Variants in RABL6 observed in about 807,000 individuals in gnomAD.
RABL6 encodes the protein rab-like protein 6.
RABL6 carries 28 observed loss-of-function variants against 72.9 expected under a neutral mutation model. The ratio of observed to expected loss-of-function variants is 0.38; its 90% confidence interval spans 0.28 to 0.53. The LOEUF is 0.53. RABL6 is among the 20% of genes least tolerant of loss of function. The probability of loss-of-function intolerance (pLI) is 0.80; values close to 1 mark genes in which losing one functional copy is unlikely to be tolerated. For missense variants in RABL6, 1,029 were observed against 1,008.4 expected (o/e 1.02, Z -0.28); for synonymous variants, 477 against 421.2 (o/e 1.13, Z -1.62).
At position 136,839,365 on chromosome 9, in the gene RABL6, A is replaced by T; in HGVS notation, c.1637A>T (p.Lys546Met). 6.2e-7 allele frequency: 1 copy of T among 1,612,654 alleles called. No individual in the cohort carries two copies. The highest frequency in any genetic ancestry group is 8.5e-7 in the Non-Finnish European group (1 of 1,179,748). Residue 546 changes from lysine to methionine, a missense_variant, in exon 12 of 15, where the codon AAG (lysine) becomes ATG (methionine). Coordinates refer to ENST00000311502, the MANE Select transcript of RABL6 (RefSeq NM_024718.5). ...CCCCCTGCTGAGATGGAGCCGGGGA[A>T]GGGTGAGCAGGCCTCCTCGTCGGAG... ...TRPPAEMEPG[K>M]GEQASSSESD...
Position 136,837,956 on chromosome 9 carries a change from A to G in RABL6, c.1221A>G (p.Thr407=). The G allele has an allele frequency of 6.4e-7, 1 of 1,566,728 alleles. No individual in the cohort carries two copies. Among genetic ancestry groups the G allele is most frequent in the Middle Eastern group, 1.7e-4 (1 of 5,892 alleles). ...TGGACCGCAGCTTCCTGGAAGACAC[A>G]ACCCCCGCCAGGGACGAGAAGAAGG... ...DRLDRSFLED[T]TPARDEKKVG... The change falls in exon 10 of 15, where the codon ACA becomes ACG. Residue 407 remains threonine (T), a synonymous_variant. Transcript: ENST00000311502.
In RABL6 at chr9:136,839,818, T is replaced by G; in HGVS notation, c.1883T>G (p.Phe628Cys). The stretch of plus-strand genomic sequence containing the variant: ...AGACTGAAGAATGACTCGGACCTCT[T>G]CGGGCTGGGGCTGGAGGAGGCCGGA... ...AFRLKNDSDL[F>C]GLGLEEAGPK... Residue 628 changes from phenylalanine (F) to cysteine (C), a missense_variant, in exon 13 of 15, where the codon TTC becomes TGC. Coordinates refer to ENST00000311502, the MANE Select transcript of RABL6 (RefSeq NM_024718.5). 6.2e-7 allele frequency: 1 copy of G among 1,612,660 alleles called. No individual in the cohort carries two copies. Among genetic ancestry groups the G allele is most frequent in the Non-Finnish European group, 8.5e-7 (1 of 1,179,778 alleles).
chr9:136,812,597 C>G (rs879601199), intron 1 of RABL6, among the ~76,000 whole-genome samples: 2 of 151,960 alleles, frequency 1.3e-5, no homozygotes, highest in Admixed American at 6.6e-5. Context: ...ATATGAATAT[C>G]CAGTCAAAAC....
chr9:136,840,517 C>T lies in RABL6; in HGVS notation c.2185C>T (p.Leu729Phe), dbSNP rs774765558. The T allele has an allele frequency of 7.8e-6, 12 of 1,540,078 alleles. No homozygotes were observed. Among genetic ancestry groups the T allele is most frequent in the Admixed American group, 2.0e-5 (1 of 49,842 alleles). ...RHPGGGDYEE[L>F] ...CCCTGGGGGTGGCGACTACGAGGAG[C>T]TCTAGGCCGGCGTGGGCAGTGGCCG... The change falls in exon 15 of 15, where the codon CTC becomes TTC. Residue 729 changes from leucine (L) to phenylalanine (F), a missense_variant. Physicochemically the swap from Leu to Phe is conservative, Grantham distance 22. Around this residue, in one of 2 missense-constraint regions of RABL6, gnomAD observed 595 missense variants for 472.4 expected, o/e 1.26. Coordinates refer to ENST00000311502, the MANE Select transcript of RABL6 (RefSeq NM_024718.5).
intron 1 of RABL6, among the ~76,000 whole-genome samples, chr9:136,819,449 T>G (rs1848194695): frequency 6.6e-6 from 1 of 152,154 alleles, no homozygotes. Context: ...CAGCAGCAGT[T>G]GTCAGTAAAC....
chr9:136,823,287 C>A (rs937523688), intron 1 of RABL6, among the ~76,000 whole-genome samples: 1 of 152,012 alleles, frequency 6.6e-6, no homozygotes, highest in Admixed American at 6.5e-5. Flanking sequence ...AAAGCTGCCC[C>A]CTGGGCCCGG....
At chr9:136,823,045 A>ACG in intron 1 of RABL6, among the ~76,000 whole-genome samples, 3 of 147,960 alleles carry the variant, frequency 2.0e-5, no homozygotes, top group Non-Finnish European at 3.0e-5. Context: ...CCGAGATAGC[A>ACG]CCACTGCAGT....
chr9:136,823,440 C>T, intron 1 of RABL6, 85 bp from the exon 2 acceptor site: 11 of 1,531,056 alleles, frequency 7.2e-6, no homozygotes, highest in South Asian at 2.4e-5. Context: ...GCAGCAGAAC[C>T]GGCTCTCCTT....
intron 5 of RABL6, among the ~76,000 whole-genome samples, chr9:136,830,081 C>T (rs1295973319): frequency 4.6e-5 from 7 of 152,232 alleles, no homozygotes; most frequent in Admixed American, 3.3e-4. Context: ...ACGAGGGCCG[C>T]GTGAAGACCA....
chr9:136,832,780 T>G (rs1008075448), intron 7 of RABL6: 5 of 330,690 alleles, frequency 1.5e-5, no homozygotes, highest in Middle Eastern at 2.1e-3. Flanking sequence ...CAGGCGTGAG[T>G]CACCGAGGTA....
rs748448436 is a variant in RABL6 at position 136,837,622 on chromosome 9, T to G, written c.1086T>G (p.Phe362Leu). The change falls in exon 9 of 15, where the codon TTT becomes TTG. Residue 362 changes from phenylalanine (F) to leucine (L), a missense_variant. Around this residue, in one of 2 missense-constraint regions of RABL6, gnomAD observed 434 missense variants for 536.1 expected, o/e 0.81. Coordinates refer to ENST00000311502, the MANE Select transcript of RABL6 (RefSeq NM_024718.5). ...GGCGCAGCATCATCTCTAGGCTGTT[T>G]GGGACGTCACCTGCCACCGAGGCAG... ...APRRSIISRL[F>L]GTSPATEAAP... The G allele has an allele frequency of 6.3e-7, 1 of 1,598,252 alleles. No homozygotes were observed. The highest frequency in any genetic ancestry group is 8.5e-7 in the Non-Finnish European group (1 of 1,174,120).
rs1848356816 is a variant in RABL6 at position 136,826,351 on chromosome 9, AG to A, written c.313+528del. Reference sequence around the variant, plus strand: ...AGGTCATGAGTTCCTCTAAGTCCTCAGGGTGGAGCTCATGGCCCTCCCCGGG... The same window carrying A: ...AGGTCATGAGTTCCTCTAAGTCCTCAGGTGGAGCTCATGGCCCTCCCCGGG... On this transcript the variant is annotated intron_variant, in intron 3 of 14. Transcript: ENST00000311502. This position sits in a 1 kb window ranked among gnomAD's most constrained non-coding sequence, Gnocchi z 4.9. 6.6e-6 allele frequency among the ~76,000 whole-genome samples: 1 copy of A among 152,098 alleles called. No individual in the cohort carries two copies. The highest frequency in any genetic ancestry group is 1.5e-5 in the Non-Finnish European group (1 of 68,004).
At chr9:136,820,194 A>G (rs1588353267) in intron 1 of RABL6, among the ~76,000 whole-genome samples, 2 of 93,264 alleles carry the variant, frequency 2.1e-5, no homozygotes, top group African/African-American at 9.8e-5. Context: ...GTGAGACTCC[A>G]TCTTCCAAAA....
Position 136,840,962 on chromosome 9 carries a change from G to A in RABL6, c.*440G>A. The A allele has an allele frequency of 1.4e-6, 2 of 1,457,700 alleles. No homozygotes were observed. The highest frequency in any genetic ancestry group is 1.8e-6 in the Non-Finnish European group (2 of 1,101,102). 90.3% of individuals were successfully genotyped at this position (1,457,700 alleles called of 1,614,324 possible). On this transcript the variant is annotated 3_prime_UTR_variant, in exon 15 of 15. Coordinates refer to ENST00000311502, the MANE Select transcript of RABL6 (RefSeq NM_024718.5). The stretch of plus-strand genomic sequence containing the variant: ...CCTATGGTTCCGCTTCCGGCCGGGA[G>A]CCCTGAACACGGGTGTGCAGACTCA...
rs1314115901 is a variant in RABL6, at chr9:136,840,407, A to C, written c.2075A>C (p.Gln692Pro). The C allele has an allele frequency of 1.3e-6, 2 of 1,550,740 alleles. No individual in the cohort carries two copies. The highest frequency in any genetic ancestry group is 4.9e-5 in the East Asian group (2 of 40,882). ...EEGKEERRRRQQRPPRSRERT... is the reference protein window; with the variant it reads ...EEGKEERRRRPQRPPRSRERT... ...GGCAAGGAGGAGCGGCGACGGCGGC[A>C]GCAGCGGCCCCCGCGCAGCAGGGAG... The change falls in exon 15 of 15, where the codon CAG becomes CCG. Residue 692 changes from glutamine (Q) to proline (P), a missense_variant. Transcript: ENST00000311502.
chr9:136,838,968 T>G lies in RABL6; in HGVS notation c.1340T>G (p.Leu447Arg). ...GCAGGGTTCCAGGACGATGTGGACCTCGAAGACCAGCCACGTGGGAGTCCC... is the reference window on the plus strand; with the variant it reads ...GCAGGGTTCCAGGACGATGTGGACCGCGAAGACCAGCCACGTGGGAGTCCC... Reference protein sequence around the residue: ...MVAGFQDDVDLEDQPRGSPPL... With the variant: ...MVAGFQDDVDREDQPRGSPPL... Residue 447 changes from leucine (L) to arginine (R), a missense_variant, in exon 11 of 15, where the codon CTC becomes CGC. Physicochemically the swap from Leu to Arg is moderately radical, Grantham distance 102. Transcript: ENST00000311502. The G allele has an allele frequency of 6.2e-7, 1 of 1,611,192 alleles. No homozygotes were observed. The highest frequency in any genetic ancestry group is 8.5e-7 in the Non-Finnish European group (1 of 1,179,294).
rs577662409 is a variant in RABL6, at chr9:136,835,943, T to C, written c.809+98T>C. The C allele has an allele frequency of 1.7e-4, 198 of 1,193,218 alleles. 3 individuals carry two copies. The highest frequency in any genetic ancestry group is 6.1e-4 in the South Asian group (45 of 73,570). 73.9% of individuals were successfully genotyped at this position (1,193,218 alleles called of 1,614,324 possible). A position where few individuals can be genotyped will look rare whatever the true frequency, so the allele number is the denominator to read the frequency against. Reference sequence around the variant, plus strand: ...GCACCAAGGAGACAGCAGAGGGGAGTGTCCCCTGTTTGGGGTAAATTAGTC... The same window carrying C: ...GCACCAAGGAGACAGCAGAGGGGAGCGTCCCCTGTTTGGGGTAAATTAGTC... On this transcript the variant is annotated intron_variant, in intron 8 of 14. Coordinates refer to ENST00000311502, the MANE Select transcript of RABL6 (RefSeq NM_024718.5).
chr9:136,833,593 A>G, intron 7 of RABL6: 4 of 1,339,666 alleles, frequency 3.0e-6, no homozygotes, highest in Non-Finnish European at 4.0e-6. Flanking sequence ...GGGGACCTGA[A>G]CCTCCTCGCC....
At position 136,839,224 on chromosome 9, in the gene RABL6, C is replaced by T. The variant is rs1264590566; in HGVS notation, c.1496C>T (p.Ser499Phe). ...QQCSEPETKW[S>F]SIPASKPRRG... ...TGACCCTCTGCTTGTCCACAAAGGT[C>T]CTCCATACCAGCTTCGAAGCCACGG... Residue 499 changes from serine (S) to phenylalanine (F), a missense_variant and splice_region_variant, in exon 12 of 15, where the codon TCC becomes TTC. Transcript: ENST00000311502. 18 of 1,597,654 alleles carry T rather than the reference C, an allele frequency of 1.1e-5. No homozygotes were observed. Among genetic ancestry groups the T allele is most frequent in the African/African-American group, 1.3e-5 (1 of 74,602 alleles).
Sources: gnomAD v4.1 joint callset for allele counts (sites outside exome capture counted in the v4.1 genomes callset) on GRCh38, gnomAD v4.1.1 for gene constraint, gnomAD v4.1.1 regional missense constraint, Gnocchi (gnomAD v3.1) non-coding constraint, MANE v1.5 for transcripts, NCBI Gene and HGNC (gene_info 2026-07-23, HGNC 2026-07-21) for gene names.